Variants in ROBO2 observed in about 807,000 individuals in gnomAD.
ROBO2 encodes the protein roundabout homolog 2.
Under a neutral mutation model 160.8 loss-of-function variants are expected in ROBO2, and 53 were observed. The observed-to-expected ratio is 0.33, with a 90% CI of 0.26 to 0.41. The LOEUF is 0.41. Ranked by LOEUF, ROBO2 falls within the 10% of genes least tolerant of loss-of-function variation. ROBO2 has a pLI of 1.00. For missense variants in ROBO2, 1,577 were observed against 1,722.4 expected (o/e 0.92, Z 1.49); for synonymous variants, 664 against 611.7 (o/e 1.09, Z -1.26).
chr3:77,402,433 TA>T lies in ROBO2; in HGVS notation c.389-74973del, dbSNP rs551724323. Among the ~76,000 whole-genome samples, 117 of 151,684 alleles carry T rather than the reference TA, an allele frequency of 7.7e-4. 2 individuals are homozygous for T. Among genetic ancestry groups the T allele is most frequent in the African/African-American group, 2.5e-3 (103 of 41,356 alleles). On this transcript the variant is annotated intron_variant, in intron 2 of 25. Transcript: ENST00000461745. ...GTGTGTCCCAGAACTTAAAGTATAATAAAAAAAATTAAAAATAAAATAAAAT... is the reference window on the plus strand; with the variant it reads ...GTGTGTCCCAGAACTTAAAGTATAATAAAAAAATTAAAAATAAAATAAAAT...
chr3:76,799,189 G>A (rs2064005044), intron 2 of ROBO2, among the ~76,000 whole-genome samples: 1 of 151,912 alleles, frequency 6.6e-6, no homozygotes, highest in Non-Finnish European at 1.5e-5. Flanking sequence ...ACTCCAGCCT[G>A]GGCGACAGAG....
chr3:76,439,191 G>A (rs995845835), intron 2 of ROBO2, among the ~76,000 whole-genome samples: 7 of 152,130 alleles, frequency 4.6e-5, no homozygotes, highest in Non-Finnish European at 8.8e-5. Context: ...AGTACTATGC[G>A]AGGGTCTAGG....
chr3:77,406,076 C>T (rs2076228360), intron 2 of ROBO2, among the ~76,000 whole-genome samples: 1 of 152,132 alleles, frequency 6.6e-6, no homozygotes, highest in Non-Finnish European at 1.5e-5. Flanking sequence ...GCTGTGGAGG[C>T]CTCAGGAAAC....
upstream of ROBO2, among the ~76,000 whole-genome samples, chr3:77,037,017 T>C (rs2063676095): frequency 1.3e-5 from 2 of 151,682 alleles, no homozygotes; most frequent in Non-Finnish European, 2.9e-5. Context: ...TTAAGTGTAA[T>C]TGAAATATGC....
intron 2 of ROBO2, among the ~76,000 whole-genome samples, chr3:76,418,474 C>T (rs2075848929): frequency 6.6e-6 from 1 of 152,126 alleles, no homozygotes; most frequent in South Asian, 2.1e-4. Context: ...CTCTTGACCT[C>T]ATGATCCACC....
intron 2 of ROBO2, among the ~76,000 whole-genome samples, chr3:76,364,799 A>G (rs2075717651): frequency 6.6e-6 from 1 of 152,072 alleles, no homozygotes; most frequent in African/African-American, 2.4e-5. Context: ...GATCTTAATA[A>G]TACTTTTCTT....
chr3:76,029,852 A>G (rs2066861776), intron 2 of ROBO2, among the ~76,000 whole-genome samples: 1 of 152,200 alleles, frequency 6.6e-6, no homozygotes, highest in Admixed American at 6.5e-5. Flanking sequence ...TTATAGTAGC[A>G]TGATTTATAA....
intron 17 of ROBO2, among the ~76,000 whole-genome samples, chr3:77,591,366 G>A (rs185006035): frequency 2.6e-5 from 4 of 152,130 alleles, no homozygotes; most frequent in East Asian, 1.9e-4. Context: ...CACTCTGAAA[G>A]CTTCCTCACT....
intron 2 of ROBO2, among the ~76,000 whole-genome samples, chr3:77,027,544 A>G (rs2063043782): frequency 6.6e-6 from 1 of 152,216 alleles, no homozygotes; most frequent in South Asian, 2.1e-4. Context: ...CTACATGGCA[A>G]TTGCTAGGTT....
chr3:76,981,265 C>A (rs1277351883), intron 2 of ROBO2, among the ~76,000 whole-genome samples: 1 of 152,140 alleles, frequency 6.6e-6, no homozygotes, highest in East Asian at 1.9e-4. Flanking sequence ...AATTGACAGA[C>A]TATTTTCCAA....
At chr3:76,588,066 C>T (rs2086169910) in intron 2 of ROBO2, among the ~76,000 whole-genome samples, 1 of 152,136 alleles carries the variant, frequency 6.6e-6, no homozygotes, top group Non-Finnish European at 1.5e-5. Flanking sequence ...TAAAATCGTG[C>T]ATGAATATGG....
At chr3:76,870,735 T>C (rs1384106301) in intron 2 of ROBO2, among the ~76,000 whole-genome samples, 1 of 152,188 alleles carries the variant, frequency 6.6e-6, no homozygotes, top group Non-Finnish European at 1.5e-5. Flanking sequence ...ACCTTTCTGA[T>C]TGGAGTTCCT....
chr3:77,412,406 G>T (rs2076876731), intron 2 of ROBO2, among the ~76,000 whole-genome samples: 1 of 152,176 alleles, frequency 6.6e-6, no homozygotes, highest in African/African-American at 2.4e-5. Context: ...TATAACACAT[G>T]GCATATGCTT....
intron 2 of ROBO2, among the ~76,000 whole-genome samples, chr3:77,007,946 C>A (rs1299343983): frequency 1.3e-5 from 2 of 151,898 alleles, no homozygotes. Context: ...AATTTCAACA[C>A]TGCATAATTT....
chr3:76,169,746 C>T (rs1351545804), intron 2 of ROBO2, among the ~76,000 whole-genome samples: 1 of 152,028 alleles, frequency 6.6e-6, no homozygotes, highest in South Asian at 2.1e-4. Flanking sequence ...TAATGACTTT[C>T]TGCCTCTTAC....
chr3:76,919,978 G>A (rs557074507), intron 2 of ROBO2, among the ~76,000 whole-genome samples: 6 of 152,214 alleles, frequency 3.9e-5, no homozygotes, highest in East Asian at 1.9e-4. Flanking sequence ...GAAATTGGAC[G>A]TAATAGATTT....
Position 77,099,071 on chromosome 3 carries a change from C to CTTTTTTTTTTTTTTTT in ROBO2, c.388+734_388+749dup, listed in dbSNP as rs750626067. 1.2e-4 allele frequency among the ~76,000 whole-genome samples: 14 copies of CTTTTTTTTTTTTTTTT among 121,244 alleles called. 1 individual carries two copies. The East Asian group carries it at 1.3e-3, about 11-fold the overall frequency. 79.5% of individuals were successfully genotyped at this position (121,244 alleles called of 152,430 possible). The stretch of plus-strand genomic sequence containing the variant: ...AACAAAATTGTACTTTTCTTTCTTT[C>CTTTTTTTTTTTTTTTT]TTTTTTTTTTTTTTTTTTGAGACAG... On this transcript the variant is annotated intron_variant, in intron 2 of 25. Transcript: ENST00000461745.
At chr3:76,298,672 A>G (rs980702415) in intron 2 of ROBO2, among the ~76,000 whole-genome samples, 16 of 152,326 alleles carry the variant, frequency 1.1e-4, no homozygotes, top group African/African-American at 3.8e-4. Context: ...CTCATGGGAT[A>G]TATTTTATCT....
chr3:77,040,356 T>G (rs895268731), exon 1 of ROBO2: 2 of 1,003,266 alleles, frequency 2.0e-6, no homozygotes, highest in East Asian at 1.1e-4. Flanking sequence ...AGGCCAATGG[T>G]TTTTCGGCAG....
Sources: gnomAD v4.1 joint callset for allele counts (sites outside exome capture counted in the v4.1 genomes callset) on GRCh38, gnomAD v4.1.1 for gene constraint, MANE v1.5 for transcripts, NCBI Gene and HGNC (gene_info 2026-07-23, HGNC 2026-07-21) for gene names.